RIC8B: variants seen among roughly 807,000 people sequenced by gnomAD.
RIC8B encodes the protein RIC8 guanine nucleotide exchange factor B.
In RIC8B, 16 loss-of-function variants were observed where a neutral mutation model predicts 57.5. The ratio of observed to expected loss-of-function variants is 0.28; its 90% CI spans 0.19 to 0.42. The LOEUF (loss-of-function observed/expected upper bound fraction) is 0.42. Ranked by LOEUF, RIC8B falls within the 10% of genes least tolerant of loss-of-function variation. RIC8B has a pLI of 1.00. For synonymous variants in RIC8B, 216 were observed against 250.8 expected (o/e 0.86, Z 1.31); for missense variants, 481 against 677.0 (o/e 0.71, Z 3.21).
chr12:106,797,218 G>A (rs1402423661), intron 2 of RIC8B, among the ~76,000 whole-genome samples: 4 of 152,134 alleles, frequency 2.6e-5, no homozygotes, highest in South Asian at 2.1e-4. Context: ...AAATATTCAT[G>A]GCATTATTCA....
intron 3 of RIC8B, among the ~76,000 whole-genome samples, chr12:106,818,439 C>T (rs137957523): frequency 0.019 from 2,830 of 152,178 alleles, 48 homozygotes; most frequent in Middle Eastern, 0.048. Flanking sequence ...GCTAGGATTA[C>T]AGGCATGAGC....
chr12:106,817,843 A>AAAAAC (rs59524648), intron 3 of RIC8B, among the ~76,000 whole-genome samples: 3 of 150,890 alleles, frequency 2.0e-5, no homozygotes, highest in Non-Finnish European at 3.0e-5. Flanking sequence ...AAAAAAAAAA[A>AAAAAC]TCTCTCACCA....
At chr12:106,865,257 C>T (rs1184979815) in intron 8 of RIC8B, among the ~76,000 whole-genome samples, 1 of 152,136 alleles carries the variant, frequency 6.6e-6, no homozygotes, top group Non-Finnish European at 1.5e-5. Context: ...TCCACATCCT[C>T]ACAACACTTA....
At chr12:106,838,037 G>A (rs2046697385) in intron 4 of RIC8B, among the ~76,000 whole-genome samples, 1 of 152,178 alleles carries the variant, frequency 6.6e-6, no homozygotes, top group Non-Finnish European at 1.5e-5. Flanking sequence ...TATACAACTT[G>A]ATGAGTTTGG....
At chr12:106,776,097 T>G (rs550013027) in intron 1 of RIC8B, among the ~76,000 whole-genome samples, 1 of 152,170 alleles carries the variant, frequency 6.6e-6, no homozygotes, top group Non-Finnish European at 1.5e-5. Context: ...GATAATGTGG[T>G]CCCAAGTCCA....
chr12:106,821,162 T>G (rs1448230968), intron 3 of RIC8B, among the ~76,000 whole-genome samples: 1 of 152,202 alleles, frequency 6.6e-6, no homozygotes, highest in East Asian at 1.9e-4. Context: ...ATTTGACAAA[T>G]GAGGACAGTG....
At chr12:106,852,616 A>G (rs1177683526) in intron 7 of RIC8B, among the ~76,000 whole-genome samples, 8 of 152,184 alleles carry the variant, frequency 5.3e-5, no homozygotes, top group Non-Finnish European at 1.0e-4. Flanking sequence ...TAAGGTAAAT[A>G]TTATATTTTG....
At chr12:106,775,812 C>T (rs938216645) in intron 1 of RIC8B, among the ~76,000 whole-genome samples, 2 of 152,184 alleles carry the variant, frequency 1.3e-5, no homozygotes, top group African/African-American at 2.4e-5. Context: ...TGGCGACTCC[C>T]TTCTGTGAAA....
chr12:106,780,022 T>A (rs2043693604), intron 1 of RIC8B, among the ~76,000 whole-genome samples: 1 of 151,976 alleles, frequency 6.6e-6, no homozygotes, highest in Non-Finnish European at 1.5e-5. Flanking sequence ...AGGACTTCTC[T>A]AATAACACAT....
chr12:106,788,349 T>C (rs1470338663), intron 2 of RIC8B, among the ~76,000 whole-genome samples: 4 of 152,174 alleles, frequency 2.6e-5, no homozygotes, highest in Admixed American at 2.6e-4. Context: ...GGGTGCAAGC[T>C]GTCAGTGATC....
Position 106,870,962 on chromosome 12 carries a change from T to A in RIC8B, c.1571+20T>A, listed in dbSNP as rs1950376660. On this transcript the variant is annotated intron_variant, in intron 9 of 9. Transcript: ENST00000392837. ...TTCCAGGTATTGTATTCCCATCCATTTTTTGCTTGGTTTCTAAAAATGGTC... is the reference window on the plus strand; with the variant it reads ...TTCCAGGTATTGTATTCCCATCCATATTTTGCTTGGTTTCTAAAAATGGTC... The A allele has an allele frequency of 2.6e-6, 4 of 1,542,340 alleles. No homozygotes were observed. In the South Asian group the frequency reaches 4.8e-5, roughly 19 times the overall value.
At chr12:106,833,563 T>C (rs1275659855) in intron 4 of RIC8B, among the ~76,000 whole-genome samples, 1 of 151,996 alleles carries the variant, frequency 6.6e-6, no homozygotes, top group Non-Finnish European at 1.5e-5. Flanking sequence ...ATTGTGCCAC[T>C]GCACTCCAGC....
At chr12:106,809,522 CAAAAAAAAAAAAAAAA>C (rs201411394) in intron 2 of RIC8B, among the ~76,000 whole-genome samples, 3 of 105,550 alleles carry the variant, frequency 2.8e-5, no homozygotes, top group Non-Finnish European at 6.0e-5. Context: ...ACTCTTGTCT[CAAAAAAAAAAAAAAAA>C]AAAAAAAGAA....
intron 8 of RIC8B, among the ~76,000 whole-genome samples, chr12:106,864,781 CTCTT>C (rs1950071314): frequency 6.6e-6 from 1 of 152,158 alleles, no homozygotes; most frequent in African/African-American, 2.4e-5. Flanking sequence ...ACCACTATCT[CTCTT>C]CAGAACTTTT....
chr12:106,840,886 A>G (rs1173654403), intron 4 of RIC8B, among the ~76,000 whole-genome samples: 3 of 152,126 alleles, frequency 2.0e-5, no homozygotes, highest in Non-Finnish European at 2.9e-5. Context: ...CTATTGCCTG[A>G]TGTTTAGGGA....
At chr12:106,784,667 C>G (rs534791585) in intron 2 of RIC8B, among the ~76,000 whole-genome samples, 1 of 152,342 alleles carries the variant, frequency 6.6e-6, no homozygotes, top group African/African-American at 2.4e-5. Context: ...CTGGCCCTGC[C>G]TTTGTGTCTT....
intron 1 of RIC8B, among the ~76,000 whole-genome samples, chr12:106,783,507 C>T (rs978499483): frequency 2.6e-5 from 4 of 152,236 alleles, no homozygotes; most frequent in African/African-American, 7.2e-5. Flanking sequence ...TCAGCAGCAT[C>T]GGAAGGCCCT....
At position 106,885,723 on chromosome 12, in the gene RIC8B, TTTTC is replaced by T. The variant is rs148028072; in HGVS notation, c.1572-176_1572-173del. Reference sequence around the variant, plus strand: ...AGTCTTTTATCTCCCTCTTCCCTCTTTTTCTTTCCATGCCCCTTTCATCTTTCCT... The same window carrying T: ...AGTCTTTTATCTCCCTCTTCCCTCTTTTTCCATGCCCCTTTCATCTTTCCT... On this transcript the variant is annotated intron_variant, in intron 9 of 9. Coordinates refer to ENST00000392837, the MANE Select transcript of RIC8B (RefSeq NM_001330145.2). Among the ~76,000 whole-genome samples, 107 of 152,190 alleles carry T rather than the reference TTTTC, an allele frequency of 7.0e-4. 2 individuals are homozygous for T. In the East Asian group the frequency reaches 0.02, roughly 29 times the overall value.
intron 7 of RIC8B, among the ~76,000 whole-genome samples, chr12:106,855,609 CTTTG>C: frequency 6.6e-6 from 1 of 152,310 alleles, no homozygotes; most frequent in East Asian, 1.9e-4. Flanking sequence ...TGTCCACTTC[CTTTG>C]TTTGTGTACT....
Sources: allele counts gnomAD v4.1 joint callset (sites outside exome capture counted in the v4.1 genomes callset), GRCh38; gene constraint gnomAD v4.1.1; transcripts MANE v1.5; gene names NCBI Gene and HGNC (gene_info 2026-07-23, HGNC 2026-07-21).